INPP4B: variants seen among roughly 807,000 people sequenced by gnomAD.
INPP4B encodes inositol polyphosphate-4-phosphatase type II B.
Under a neutral mutation model 122.5 loss-of-function variants are expected in INPP4B, and 55 were observed. The observed-to-expected ratio is 0.45, with a 90% CI of 0.36 to 0.56. INPP4B has a LOEUF of 0.56. INPP4B is among the 20% of genes least tolerant of loss of function. The probability of loss-of-function intolerance (pLI) is 0.00; values close to 1 mark genes in which losing one functional copy is unlikely to be tolerated. For missense variants in INPP4B, 1,000 were observed against 1,097.7 expected (o/e 0.91, Z 1.26); for synonymous variants, 403 against 388.7 (o/e 1.04, Z -0.43).
At chr4:142,368,668 C>A (rs1788492850) in intron 7 of INPP4B, among the ~76,000 whole-genome samples, 1 of 150,788 alleles carries the variant, frequency 6.6e-6, no homozygotes. Flanking sequence ...TTTGTATAAA[C>A]TGTTATGGGA....
intron 2 of INPP4B, among the ~76,000 whole-genome samples, chr4:142,471,870 TAC>T (rs145475720): frequency 1.1e-4 from 16 of 150,462 alleles, no homozygotes; most frequent in South Asian, 2.1e-4. Context: ...CTCCATAGTA[TAC>T]ACACACACAC....
chr4:142,620,312 A>T (rs966728805), intron 2 of INPP4B, among the ~76,000 whole-genome samples: 8 of 152,020 alleles, frequency 5.3e-5, no homozygotes, highest in Admixed American at 3.9e-4. Context: ...ACCATGGAAT[A>T]TTACACAGCT....
chr4:142,636,181 T>C (rs1452026043), intron 2 of INPP4B, among the ~76,000 whole-genome samples: 1 of 152,140 alleles, frequency 6.6e-6, no homozygotes, highest in Non-Finnish European at 1.5e-5. Flanking sequence ...TCTGCCATGA[T>C]TGAAAGTTTC....
At chr4:142,796,742 T>G (rs1488115530) in intron 1 of INPP4B, among the ~76,000 whole-genome samples, 1 of 151,996 alleles carries the variant, frequency 6.6e-6, no homozygotes, top group Non-Finnish European at 1.5e-5. Context: ...ATTTGTGAGT[T>G]CTCAGCCTTA....
At chr4:142,190,743 TGTGCGC>T (rs769772157) in intron 15 of INPP4B, among the ~76,000 whole-genome samples, 1 of 135,110 alleles carries the variant, frequency 7.4e-6, no homozygotes, top group Non-Finnish European at 1.5e-5. Flanking sequence ...TGTGTGTGTG[TGTGCGC>T]GTGTGTGTTG....
chr4:142,371,130 C>T (rs965434275), intron 7 of INPP4B, among the ~76,000 whole-genome samples: 1 of 151,706 alleles, frequency 6.6e-6, no homozygotes, highest in African/African-American at 2.4e-5. Context: ...AAATTCACAG[C>T]CAATTAACTT....
intron 2 of INPP4B, among the ~76,000 whole-genome samples, chr4:142,589,978 T>C (rs935963986): frequency 3.9e-5 from 6 of 152,124 alleles, no homozygotes; most frequent in East Asian, 3.9e-4. Context: ...TTTGGAAGGA[T>C]ACAGATAAAT....
intron 7 of INPP4B, among the ~76,000 whole-genome samples, chr4:142,389,024 A>C (rs1178900618): frequency 6.6e-6 from 1 of 152,110 alleles, no homozygotes; most frequent in African/African-American, 2.4e-5. Flanking sequence ...AGGCTAATGC[A>C]GGTGGACACA....
Position 142,763,141 on chromosome 4 carries a change from T to C in INPP4B, c.-253-37240A>G, listed in dbSNP as rs1194153599. Among the ~76,000 whole-genome samples the C allele has an allele frequency of 3.3e-5, 5 of 152,326 alleles. No individual in the cohort carries two copies. The South Asian group carries it at 6.2e-4, about 19-fold the overall frequency. On this transcript the variant is annotated intron_variant, in intron 1 of 25. Coordinates refer to ENST00000262992, the MANE Select transcript of INPP4B (RefSeq NM_001101669.3). Reference sequence around the variant, plus strand: ...ACGTGAATGGACTACAATTGTCATCTTGGAGAAGTCCTTTAATTTCTCTAA... The same window carrying C: ...ACGTGAATGGACTACAATTGTCATCCTGGAGAAGTCCTTTAATTTCTCTAA...
chr4:142,841,581 T>A (rs1783495828), intron 1 of INPP4B, among the ~76,000 whole-genome samples: 1 of 151,900 alleles, frequency 6.6e-6, no homozygotes, highest in African/African-American at 2.4e-5. Context: ...CTGTCAAATT[T>A]TTCATAGTAA....
At chr4:142,398,831 T>C (rs1409234442) in intron 7 of INPP4B, among the ~76,000 whole-genome samples, 6 of 152,094 alleles carry the variant, frequency 3.9e-5, no homozygotes, top group Non-Finnish European at 5.9e-5. Flanking sequence ...AAAAATGTCT[T>C]AGGACTACAT....
chr4:142,509,689 G>T (rs1560738040), intron 2 of INPP4B, among the ~76,000 whole-genome samples: 1 of 152,096 alleles, frequency 6.6e-6, no homozygotes, highest in Non-Finnish European at 1.5e-5. Context: ...ACTAAAGATG[G>T]ATTAAAGACT....
In INPP4B at chr4:142,175,970, G is replaced by T. The variant is rs1009804369; in HGVS notation, c.1182-2161C>A. On this transcript the variant is annotated intron_variant, in intron 15 of 25. Transcript: ENST00000262992. The stretch of plus-strand genomic sequence containing the variant: ...GGTCACTTCTATGTGATCCCTCTTT[G>T]CAGGTCTGCTATTCTGTGTCCATCA... 1.3e-5 allele frequency among the ~76,000 whole-genome samples: 2 copies of T among 151,964 alleles called. 1 individual carries two copies. Among genetic ancestry groups the T allele is most frequent in the African/African-American group, 4.8e-5 (2 of 41,462 alleles).
intron 25 of INPP4B, among the ~76,000 whole-genome samples, chr4:142,065,987 T>C (rs1763325421): frequency 6.6e-6 from 1 of 152,186 alleles, no homozygotes; most frequent in South Asian, 2.1e-4. Flanking sequence ...TCTTGGATTT[T>C]TGGGAAGCTT....
chr4:142,748,459 G>A (rs1420749768), intron 1 of INPP4B, among the ~76,000 whole-genome samples: 3 of 151,908 alleles, frequency 2.0e-5, no homozygotes, highest in Non-Finnish European at 2.9e-5. Context: ...TCTTTGAAAA[G>A]TTTAATAGAA....
At chr4:142,450,764 A>G (rs530709000) in intron 3 of INPP4B, among the ~76,000 whole-genome samples, 3 of 152,318 alleles carry the variant, frequency 2.0e-5, no homozygotes, top group African/African-American at 7.2e-5. Context: ...TACTAATTGG[A>G]GAAACACAGA....
chr4:142,819,461 C>A (rs1780539193), intron 1 of INPP4B, among the ~76,000 whole-genome samples: 2 of 152,048 alleles, frequency 1.3e-5, no homozygotes, highest in South Asian at 4.1e-4. Flanking sequence ...CTTAAAATGG[C>A]AACTAGAAAA....
At chr4:142,614,645 T>A (rs570095078) in intron 2 of INPP4B, among the ~76,000 whole-genome samples, 5 of 152,172 alleles carry the variant, frequency 3.3e-5, no homozygotes, top group Admixed American at 2.6e-4. Flanking sequence ...AAACAATACT[T>A]CTGACAGAGG....
chr4:142,565,527 T>C (rs1353559431), intron 2 of INPP4B, among the ~76,000 whole-genome samples: 1 of 152,198 alleles, frequency 6.6e-6, no homozygotes, highest in East Asian at 1.9e-4. Context: ...TTCCTTACTA[T>C]AAAACTACAA....
Sources: gnomAD v4.1 joint callset for allele counts (sites outside exome capture counted in the v4.1 genomes callset) on GRCh38, gnomAD v4.1.1 for gene constraint, MANE v1.5 for transcripts, NCBI Gene and HGNC (gene_info 2026-07-23, HGNC 2026-07-21) for gene names.